Variants in TK2 observed in about 807,000 individuals in gnomAD.
The protein encoded by TK2 is thymidine kinase 2, mitochondrial.
In TK2, 35 loss-of-function variants were observed where a neutral mutation model predicts 41.9. That is an observed-to-expected ratio of 0.84 (90% CI 0.64 to 1.11). TK2 has a LOEUF of 1.11. Among genes scored for constraint, TK2 ranks in the 50% least tolerant of loss-of-function variants. The pLI is 0.00. For synonymous variants in TK2, 128 were observed against 129.1 expected (o/e 0.99, Z 0.06); for missense variants, 320 against 351.1 (o/e 0.91, Z 0.71).
At chr16:66,522,189 G>A (rs1964801012) in intron 6 of TK2, among the ~76,000 whole-genome samples, 3 of 152,246 alleles carry the variant, frequency 2.0e-5, no homozygotes, top group East Asian at 1.9e-4. Flanking sequence ...CAAGTCCAGT[G>A]TCTCTCTAGC....
intron 4 of TK2, 105 bp from the exon 5 acceptor site, chr16:66,531,574 G>T (rs1364720364): frequency 2.5e-5 from 27 of 1,088,144 alleles, no homozygotes; most frequent in Non-Finnish European, 3.5e-5. Flanking sequence ...CACAGGCAGG[G>T]TTGGGGCTGG....
intron 5 of TK2, among the ~76,000 whole-genome samples, chr16:66,531,163 G>A (rs1567533565): frequency 6.6e-6 from 1 of 152,170 alleles, no homozygotes; most frequent in Non-Finnish European, 1.5e-5. Flanking sequence ...ATGGTGGCAG[G>A]GGCACCACCT....
intron 4 of TK2, among the ~76,000 whole-genome samples, chr16:66,536,019 C>T (rs1169622531): frequency 6.6e-6 from 1 of 152,020 alleles, no homozygotes; most frequent in East Asian, 1.9e-4. Context: ...TCCTGGCCAA[C>T]ATGGTAAAAC....
Position 66,508,588 on chromosome 16 carries a change from AAAG to A in TK2, c.*3377_*3379del, listed in dbSNP as rs1964358956. On this transcript the variant is annotated 3_prime_UTR_variant, in exon 10 of 10. Coordinates refer to ENST00000544898, the MANE Select transcript of TK2 (RefSeq NM_004614.5). ...CTCCCCACCCCAGGGCTCTAGGAAA[AAAG>A]AAGTGATTCAGATTCCATAGCACCC... The A allele has an allele frequency of 2.0e-5, 3 of 152,238 alleles. No individual in the cohort carries two copies. The highest frequency in any genetic ancestry group is 7.2e-5 in the African/African-American group (3 of 41,462). The allele number at this position is 152,238 out of a possible 1,614,324, so 9.4% of individuals were successfully genotyped here. A position where few individuals can be genotyped will look rare whatever the true frequency, so the allele number is the denominator to read the frequency against.
intron 1 of TK2, 153 bp from the exon 2 acceptor site, chr16:66,549,162 C>T (rs906438539): frequency 4.0e-6 from 6 of 1,505,890 alleles, no homozygotes; most frequent in South Asian, 3.9e-5. Flanking sequence ...ATTGGAGGCG[C>T]GCACCACCGT....
At chr16:66,532,393 CAGG>C (rs1170467143) in intron 4 of TK2, among the ~76,000 whole-genome samples, 1 of 152,042 alleles carries the variant, frequency 6.6e-6, no homozygotes, top group Non-Finnish European at 1.5e-5. Flanking sequence ...CACTCAAGGC[CAGG>C]AGTTCAAGAC....
intron 9 of TK2, 78 bp from the exon 10 acceptor site, chr16:66,512,144 T>TGGAAGCA: frequency 7.5e-7 from 1 of 1,325,288 alleles, no homozygotes. Flanking sequence ...GACAGACAGA[T>TGGAAGCA]GGAAGCAGGC....
At chr16:66,534,999 T>C (rs965420800) in intron 4 of TK2, among the ~76,000 whole-genome samples, 4 of 152,192 alleles carry the variant, frequency 2.6e-5, no homozygotes, top group Non-Finnish European at 5.9e-5. Context: ...TCATTTTTGC[T>C]TTTCATTTTT....
At chr16:66,544,278 T>C (rs893081964) in intron 2 of TK2, among the ~76,000 whole-genome samples, 1 of 152,192 alleles carries the variant, frequency 6.6e-6, no homozygotes, top group Non-Finnish European at 1.5e-5. Flanking sequence ...AGGGAGTCTT[T>C]ACATTTCTTT....
intron 5 of TK2, among the ~76,000 whole-genome samples, chr16:66,530,397 G>C (rs577081836): frequency 2.0e-4 from 30 of 152,306 alleles, no homozygotes; most frequent in African/African-American, 6.5e-4. Flanking sequence ...TTTCTTCTAA[G>C]AGACTCTGTC....
At chr16:66,521,467 G>A (rs538747476) in intron 6 of TK2, among the ~76,000 whole-genome samples, 9 of 152,342 alleles carry the variant, frequency 5.9e-5, no homozygotes, top group East Asian at 3.9e-4. Flanking sequence ...GTCCTTGGTC[G>A]GGTGGCCTCC....
chr16:66,517,194 T>C lies in TK2; in HGVS notation c.560A>G (p.Glu187Gly). ...CTTCTTTAACCTCTGGTAACAAGTC[T>C]CAGGATTGGTCCGAAGGTAAACTGA... ...DLIVYLRTNP[E>G]TCYQRLKKRC... Residue 187 changes from glutamate (E) to glycine (G), a missense_variant, in exon 8 of 10, where the codon GAG becomes GGG. Transcript: ENST00000544898. This position sits in a 1 kb window ranked among gnomAD's most constrained non-coding sequence, Gnocchi z 4.3. The C allele has an allele frequency of 1.2e-6, 2 of 1,614,156 alleles. No homozygotes were observed. The highest frequency in any genetic ancestry group is 1.7e-6 in the Non-Finnish European group (2 of 1,180,022).
Position 66,517,795 on chromosome 16 carries a change from A to T in TK2, c.532T>A (p.Leu178Met), listed in dbSNP as rs777508830. 1.9e-6 allele frequency: 3 copies of T among 1,614,078 alleles called. No individual in the cohort carries two copies. The highest frequency in any genetic ancestry group is 2.2e-5 in the South Asian group (2 of 91,080). ...TGGGAGGGGTGCATCTCACCTATCA[A>T]ATCAACAGACACGTCCATGTTCCTC... is the stretch of plus-strand genomic sequence containing the variant. ...ILRNMDVSVDLIVYLRTNPET... is the reference protein window; with the variant it reads ...ILRNMDVSVDMIVYLRTNPET... Residue 178 changes from leucine (L) to methionine (M), a missense_variant, in exon 7 of 10, where the codon TTG (leucine) becomes ATG (methionine). By Grantham distance (15) the Leu-to-Met change is conservative. Coordinates refer to ENST00000544898, the MANE Select transcript of TK2 (RefSeq NM_004614.5). The surrounding 1 kb of genome is among the most constrained non-coding windows in gnomAD (Gnocchi z 4.3).
chr16:66,548,741 A>C (rs1231945442), intron 2 of TK2: 1 of 526,738 alleles, frequency 1.9e-6, no homozygotes, highest in Non-Finnish European at 3.5e-6. Context: ...GCCCAAATCT[A>C]CCTGAAGGAT....
At chr16:66,512,162 G>T in intron 9 of TK2, 96 bp from the exon 10 acceptor site, 1 of 1,074,280 alleles carries the variant, frequency 9.3e-7, no homozygotes, top group Non-Finnish European at 1.4e-6. Context: ...GGCAGCAGGG[G>T]GCAGGGAAGG....
chr16:66,549,444 G>A, intron 1 of TK2: 2 of 1,059,924 alleles, frequency 1.9e-6, no homozygotes. Flanking sequence ...AGGTGGTTCT[G>A]AGGCGTCTCT....
At chr16:66,533,884 T>C (rs989893262) in intron 4 of TK2, among the ~76,000 whole-genome samples, 2 of 151,246 alleles carry the variant, frequency 1.3e-5, no homozygotes, top group African/African-American at 4.9e-5. Context: ...GGTGGGCGCC[T>C]GTAGTCCCAG....
chr16:66,541,135 T>C (rs1965444568), intron 3 of TK2, among the ~76,000 whole-genome samples: 1 of 152,256 alleles, frequency 6.6e-6, no homozygotes, highest in African/African-American at 2.4e-5. Context: ...CTTCAGGCTA[T>C]GTATATATGA....
chr16:66,530,720 CTT>C (rs929487208), intron 5 of TK2, among the ~76,000 whole-genome samples: 37 of 142,294 alleles, frequency 2.6e-4, no homozygotes, highest in Admixed American at 2.8e-4. Context: ...GCATTTCTTT[CTT>C]TTTTTTTTTT....
Sources: allele counts gnomAD v4.1 joint callset (sites outside exome capture counted in the v4.1 genomes callset), GRCh38; gene constraint gnomAD v4.1.1; non-coding constraint Gnocchi (gnomAD v3.1); transcripts MANE v1.5; gene names NCBI Gene and HGNC (gene_info 2026-07-23, HGNC 2026-07-21).